PRAG1: variants seen among roughly 807,000 people sequenced by gnomAD.
PRAG1 encodes the protein inactive tyrosine-protein kinase PRAG1.
Under a neutral mutation model 95.6 loss-of-function variants are expected in PRAG1, and 110 were observed. The ratio of observed to expected loss-of-function variants is 1.15; its 90% confidence interval spans 0.99 to 1.35. The LOEUF is 1.35. Among genes scored for constraint, PRAG1 ranks in the 40% most tolerant of loss-of-function variants. The pLI is 0.00. For synonymous variants in PRAG1, 1,052 were observed against 819.4 expected (o/e 1.28, Z -4.85); for missense variants, 2,554 against 1,864.7 (o/e 1.37, Z -6.81).
intron 5 of PRAG1, among the ~76,000 whole-genome samples, chr8:8,319,774 C>T (rs913481449): frequency 6.6e-5 from 10 of 151,974 alleles, no homozygotes; most frequent in African/African-American, 1.2e-4. Context: ...AACAAAAAAA[C>T]GTGGGCAAGA....
chr8:8,335,719 C>A (rs28617266), intron 4 of PRAG1, among the ~76,000 whole-genome samples: 11,236 of 152,094 alleles, frequency 0.074, 645 homozygotes, highest in African/African-American at 0.15. Flanking sequence ...CCCCTCCCCA[C>A]CCTGTTCCTG....
At chr8:8,370,876 C>T (rs563372662) in intron 3 of PRAG1, among the ~76,000 whole-genome samples, 1 of 152,246 alleles carries the variant, frequency 6.6e-6, no homozygotes, top group Non-Finnish European at 1.5e-5. Context: ...AGACCGGGGG[C>T]TGTAGCTCAC....
At chr8:8,355,179 T>A (rs868425444) in intron 3 of PRAG1, among the ~76,000 whole-genome samples, 7 of 152,036 alleles carry the variant, frequency 4.6e-5, no homozygotes, top group African/African-American at 1.7e-4. Context: ...TACAATGGCA[T>A]AAAAAATTAG....
At chr8:8,347,122 C>G (rs1272947819) in intron 3 of PRAG1, among the ~76,000 whole-genome samples, 2 of 152,200 alleles carry the variant, frequency 1.3e-5, no homozygotes, top group Non-Finnish European at 2.9e-5. Context: ...ACTCAAACAA[C>G]CAATAATTGT....
At chr8:8,381,215 T>C (rs1800631968) in intron 2 of PRAG1, among the ~76,000 whole-genome samples, 1 of 152,192 alleles carries the variant, frequency 6.6e-6, no homozygotes, top group Admixed American at 6.5e-5. Flanking sequence ...GGGGACTGGA[T>C]TAATGATTCT....
rs940526540 is a variant in PRAG1 at position 8,327,903 on chromosome 8, G to A, written c.2879C>T (p.Thr960Ile). The A allele has an allele frequency of 3.7e-6, 6 of 1,614,084 alleles. No homozygotes were observed. The African/African-American group carries it at 8.0e-5, about 22-fold the overall frequency. ...GGCTACAAGGCGGGCCAGGGACTGG[G>A]TGTAGAGTCCCCCCAGCTTGGCATA... Reference protein sequence around the residue: ...GTYAKLGGLYTQSLARLVAKC... With the variant: ...GTYAKLGGLYIQSLARLVAKC... The change falls in exon 5 of 6, where the codon ACC (threonine) becomes ATC (isoleucine). Residue 960 changes from threonine (T) to isoleucine (I), a missense_variant. Thr to Ile is a moderately conservative substitution (Grantham distance 89). Transcript: ENST00000615670.
Position 8,318,354 on chromosome 8 carries a change from C to G in PRAG1, c.4021G>C (p.Gly1341Arg), listed in dbSNP as rs550666528. 69 of 1,613,914 alleles carry G rather than the reference C, an allele frequency of 4.3e-5. No individual in the cohort carries two copies. The East Asian group carries it at 1.1e-3, about 25-fold the overall frequency. The change falls in exon 6 of 6, where the codon GGC (glycine) becomes CGC (arginine). Residue 1341 changes from glycine (G) to arginine (R), a missense_variant. Physicochemically the swap from Gly to Arg is moderately radical, Grantham distance 125. Coordinates refer to ENST00000615670, the MANE Select transcript of PRAG1 (RefSeq NM_001080826.3). This position sits in a 1 kb window ranked among gnomAD's most constrained non-coding sequence, Gnocchi z 4.2. ...CCGCACAGCGCCTCCTCCGAGGTGC[C>G]CGGCTGCTGCACCAGCTCGCGCCGA... is the stretch of plus-strand genomic sequence containing the variant. ...GPRRELVQQP[G>R]TSEEALCGTL...
intron 3 of PRAG1, among the ~76,000 whole-genome samples, chr8:8,350,794 A>T (rs963895458): frequency 6.6e-6 from 1 of 152,222 alleles, no homozygotes; most frequent in African/African-American, 2.4e-5. Context: ...TAAAATGTGG[A>T]TAATGACAAT....
In PRAG1 at chr8:8,327,688, G is replaced by A. The variant is rs1585221323; in HGVS notation, c.3072+22C>T. 4 of 1,590,974 alleles carry A rather than the reference G, an allele frequency of 2.5e-6. No homozygotes were observed. The East Asian group carries it at 6.7e-5, about 27-fold the overall frequency. On this transcript the variant is annotated intron_variant, in intron 5 of 5. Transcript: ENST00000615670. ...GCACCAGCCAGTGGCACAGCAGAAT[G>A]CAAGGAGGGAGTGGTACCTACTTTC...
chr8:8,355,288 A>G (rs1285092494), intron 3 of PRAG1, among the ~76,000 whole-genome samples: 1 of 152,188 alleles, frequency 6.6e-6, no homozygotes, highest in Non-Finnish European at 1.5e-5. Flanking sequence ...GCAAATATAT[A>G]CCATGTTCAT....
chr8:8,383,873 T>C (rs10089767), intron 1 of PRAG1, among the ~76,000 whole-genome samples: 2 of 152,074 alleles, frequency 1.3e-5, no homozygotes, highest in Middle Eastern at 6.8e-3. Context: ...GCCTTGCTGC[T>C]AAGTTTTGGG....
At chr8:8,374,644 C>G (rs890259195) in intron 3 of PRAG1, 63 of 985,152 alleles carry the variant, frequency 6.4e-5, no homozygotes, top group Non-Finnish European at 7.6e-5. Context: ...TAAATGGAAG[C>G]TCATCTTAGC....
chr8:8,379,208 T>C (rs1351152628), intron 2 of PRAG1, among the ~76,000 whole-genome samples: 6 of 152,232 alleles, frequency 3.9e-5, no homozygotes, highest in Non-Finnish European at 7.3e-5. Flanking sequence ...CTTCCAACTA[T>C]GCCAGAGGTC....
chr8:8,378,372 T>A (rs969569742), intron 2 of PRAG1, among the ~76,000 whole-genome samples: 23 of 152,290 alleles, frequency 1.5e-4, no homozygotes, highest in African/African-American at 5.5e-4. Flanking sequence ...AAGAAAAATA[T>A]AACTCTGAAA....
intron 5 of PRAG1, among the ~76,000 whole-genome samples, chr8:8,320,616 A>C (rs562092125): frequency 6.6e-6 from 1 of 152,354 alleles, no homozygotes; most frequent in South Asian, 2.1e-4. Context: ...AGAAAGACAA[A>C]GATCAATGTG....
intron 4 of PRAG1, among the ~76,000 whole-genome samples, chr8:8,336,965 C>A (rs570115455): frequency 7.1e-6 from 1 of 141,814 alleles, no homozygotes; most frequent in African/African-American, 2.6e-5. Context: ...GCCATTAACG[C>A]TGATACATTT....
At chr8:8,319,511 G>A (rs1291609606) in intron 5 of PRAG1, among the ~76,000 whole-genome samples, 61 of 152,242 alleles carry the variant, frequency 4.0e-4, no homozygotes, top group Admixed American at 3.9e-3. Context: ...CACACCAATA[G>A]CATAGTTCAC....
intron 3 of PRAG1, among the ~76,000 whole-genome samples, chr8:8,374,329 A>G (rs1800309417): frequency 6.6e-6 from 1 of 152,184 alleles, no homozygotes; most frequent in African/African-American, 2.4e-5. Context: ...TTCTAATGCC[A>G]ATACCTGTGC....
At chr8:8,324,221 C>T (rs769258174) in intron 5 of PRAG1, among the ~76,000 whole-genome samples, 5 of 152,170 alleles carry the variant, frequency 3.3e-5, no homozygotes, top group Admixed American at 6.5e-5. Context: ...GCCCAGGGGC[C>T]TGGGAAGAGT....
Sources: allele counts gnomAD v4.1 joint callset (sites outside exome capture counted in the v4.1 genomes callset), GRCh38; gene constraint gnomAD v4.1.1; non-coding constraint Gnocchi (gnomAD v3.1); transcripts MANE v1.5; gene names NCBI Gene and HGNC (gene_info 2026-07-23, HGNC 2026-07-21).